MCTP1: variants seen among roughly 807,000 people sequenced by gnomAD.
The protein encoded by MCTP1 is multiple C2 and transmembrane domain-containing protein 1.
Under a neutral mutation model 120.6 loss-of-function variants are expected in MCTP1, and 69 were observed. The observed-to-expected ratio is 0.57, with a 90% CI of 0.47 to 0.70. The LOEUF is 0.70. Among genes scored for constraint, MCTP1 ranks in the 30% least tolerant of loss-of-function variants. The pLI is 0.00. For missense variants in MCTP1, 1,203 were observed against 1,248.8 expected, an observed-to-expected ratio of 0.96 and a Z score of 0.55; for synonymous variants, 529 against 493.1, an observed-to-expected ratio of 1.07 and a Z score of -0.96.
At chr5:94,798,968 A>G (rs776480482) in intron 18 of MCTP1, 45 bp downstream of exon 18, 1 of 1,581,668 alleles carries the variant, frequency 6.3e-7, no homozygotes, top group South Asian at 1.2e-5. Flanking sequence ...AGAGGGACTC[A>G]GAATAAGAAC....
At chr5:95,064,306 A>G (rs1435197268) in intron 1 of MCTP1, among the ~76,000 whole-genome samples, 1 of 152,230 alleles carries the variant, frequency 6.6e-6, no homozygotes, top group East Asian at 1.9e-4. Context: ...CCCTCAATCC[A>G]GAAATCCGTG....
At chr5:94,912,364 G>A (rs13162546) in intron 9 of MCTP1, among the ~76,000 whole-genome samples, 2 of 141,432 alleles carry the variant, frequency 1.4e-5, no homozygotes, top group African/African-American at 5.2e-5. Context: ...GTCGGAGGTT[G>A]CAGTGAGCCA....
intron 19 of MCTP1, among the ~76,000 whole-genome samples, chr5:94,723,332 G>A (rs1347678353): frequency 6.6e-6 from 1 of 152,174 alleles, no homozygotes; most frequent in East Asian, 1.9e-4. Flanking sequence ...TAACAAGATA[G>A]TATATTTTTC....
chr5:94,787,858 T>C (rs1480679982), intron 18 of MCTP1, among the ~76,000 whole-genome samples: 2 of 152,224 alleles, frequency 1.3e-5, no homozygotes, highest in Non-Finnish European at 2.9e-5. Flanking sequence ...CATGTTATGT[T>C]AATTGTCTCT....
At chr5:95,180,225 GC>G (rs1748456454) in intron 1 of MCTP1, among the ~76,000 whole-genome samples, 1 of 152,174 alleles carries the variant, frequency 6.6e-6, no homozygotes, top group South Asian at 2.1e-4. Context: ...TCCACTGTCA[GC>G]ACTAGACAGG....
chr5:94,977,628 A>G (rs988856440), intron 2 of MCTP1, among the ~76,000 whole-genome samples: 56 of 152,332 alleles, frequency 3.7e-4, no homozygotes, highest in South Asian at 1.9e-3. Context: ...ACAGACATAT[A>G]GTCCAAGGAA....
Position 94,791,632 on chromosome 5 carries a change from G to A in MCTP1, c.2556+7381C>T, listed in dbSNP as rs573255388. Among the ~76,000 whole-genome samples the A allele has an allele frequency of 2.4e-4, 37 of 152,250 alleles. No individual in the cohort carries two copies. In the South Asian group the frequency reaches 3.7e-3, roughly 15 times the overall value. On this transcript the variant is annotated intron_variant, in intron 18 of 22. Transcript: ENST00000515393. ...AAAAAAAGTAGGTGAGCTAAAATGCGTTAAAGGTGATTCAATTTTTATAAA... is the reference window on the plus strand; with the variant it reads ...AAAAAAAGTAGGTGAGCTAAAATGCATTAAAGGTGATTCAATTTTTATAAA...
At chr5:95,053,563 G>T (rs1746573142) in intron 1 of MCTP1, among the ~76,000 whole-genome samples, 1 of 152,170 alleles carries the variant, frequency 6.6e-6, no homozygotes, top group African/African-American at 2.4e-5. Flanking sequence ...GCTATTGACA[G>T]ACCGCAATTT....
intron 10 of MCTP1, 31 bp from the exon 11 acceptor site, chr5:94,894,866 GCT>G (rs1491316112): frequency 2.2e-5 from 25 of 1,162,772 alleles, no homozygotes; most frequent in South Asian, 4.0e-5. Flanking sequence ...TCAGCAAGTG[GCT>G]TTTTTTTTTT....
chr5:94,778,313 C>T (rs1181685698), intron 19 of MCTP1, among the ~76,000 whole-genome samples: 3 of 152,092 alleles, frequency 2.0e-5, no homozygotes, highest in Non-Finnish European at 4.4e-5. Context: ...CCCAATCTCA[C>T]CCTAGGACTT....
intron 2 of MCTP1, among the ~76,000 whole-genome samples, chr5:94,978,158 A>C (rs964003067): frequency 3.9e-5 from 6 of 152,132 alleles, no homozygotes; most frequent in African/African-American, 1.4e-4. Context: ...AAAATCAAAA[A>C]TACAATGAGA....
At chr5:94,893,764 T>TA (rs35543763) in intron 11 of MCTP1, among the ~76,000 whole-genome samples, 2 of 151,396 alleles carry the variant, frequency 1.3e-5, no homozygotes, top group Non-Finnish European at 2.9e-5. Context: ...TTTTAAAGTC[T>TA]AAAAAAAAAG....
At chr5:95,165,526 C>T (rs983822314) in intron 1 of MCTP1, among the ~76,000 whole-genome samples, 1 of 152,126 alleles carries the variant, frequency 6.6e-6, no homozygotes, top group African/African-American at 2.4e-5. Context: ...GTGTGAATTG[C>T]TTTGGGGAAT....
Position 94,870,989 on chromosome 5 carries a change from A to G in MCTP1, c.2140-16T>C. ...CATTTTGAATCTGCGGGAAAAGGAC[A>G]TGACAGCCGTCTGTCTCGCGGTCTC... is the stretch of plus-strand genomic sequence containing the variant. On this transcript the variant is annotated splice_polypyrimidine_tract_variant and intron_variant, in intron 14 of 22. Coordinates refer to ENST00000515393, the MANE Select transcript of MCTP1 (RefSeq NM_024717.7). 6.2e-7 allele frequency: 1 copy of G among 1,602,426 alleles called. No homozygotes were observed. The highest frequency in any genetic ancestry group is 2.2e-5 in the East Asian group (1 of 44,758).
At chr5:94,985,965 G>T (rs211514) in intron 2 of MCTP1, among the ~76,000 whole-genome samples, 113,056 of 152,014 alleles carry the variant, frequency 0.74, 42,881 homozygotes, top group Admixed American at 0.84. Flanking sequence ...TTAAAATTAT[G>T]TAAGTGGGAA....
intron 2 of MCTP1, chr5:94,976,926 C>A (rs534326092): frequency 6.6e-6 from 1 of 152,188 alleles, no homozygotes; most frequent in Non-Finnish European, 1.5e-5. Flanking sequence ...GAACACGATG[C>A]CCACTCTCAC....
chr5:95,028,459 T>A (rs1249245710), intron 1 of MCTP1, among the ~76,000 whole-genome samples: 1 of 152,126 alleles, frequency 6.6e-6, no homozygotes, highest in Non-Finnish European at 1.5e-5. Flanking sequence ...AATGGCAACA[T>A]TTATTGCTGT....
chr5:95,259,517 G>A (rs77449072), intron 1 of MCTP1, among the ~76,000 whole-genome samples: 14 of 152,144 alleles, frequency 9.2e-5, no homozygotes, highest in Non-Finnish European at 1.9e-4. Context: ...ACACATACTC[G>A]AAATCAACAA....
intron 1 of MCTP1, among the ~76,000 whole-genome samples, chr5:95,230,207 CACACATATACACAT>C (rs1303678861): frequency 6.7e-6 from 1 of 148,152 alleles, no homozygotes; most frequent in Non-Finnish European, 1.5e-5. Context: ...TATATATACA[CACACATATACACAT>C]ACATATATGT....
Sources: gnomAD v4.1 joint callset for allele counts (sites outside exome capture counted in the v4.1 genomes callset) on GRCh38, gnomAD v4.1.1 for gene constraint, MANE v1.5 for transcripts, NCBI Gene and HGNC (gene_info 2026-07-23, HGNC 2026-07-21) for gene names.